The following NIFK variants were observed in gnomAD, a reference collection of about 807,000 sequenced individuals.
NIFK encodes the protein nucleolar protein interacting with the FHA domain of MKI67.
In NIFK, 16 loss-of-function variants were observed where a neutral mutation model predicts 31.7. The ratio of observed to expected loss-of-function variants is 0.50; its 90% confidence interval spans 0.34 to 0.77. NIFK has a LOEUF of 0.77. Among genes scored for constraint, NIFK ranks in the 30% least tolerant of loss-of-function variants. The pLI, the probability that NIFK is intolerant of heterozygous loss-of-function variation, is 0.01. For missense variants in NIFK, 341 were observed against 350.4 expected (o/e 0.97, Z 0.21); for synonymous variants, 126 against 123.0 (o/e 1.02, Z -0.16).
rs144739829 is a variant in NIFK, at chr2:121,728,489, A to G, written c.612T>C (p.Ser204=). 7.6e-6 allele frequency: 12 copies of G among 1,586,990 alleles called. No individual in the cohort carries two copies. The highest frequency in any genetic ancestry group is 4.5e-5 in the East Asian group (2 of 44,638). ...ESISKTNRQT[S]TKGQVLRKKK... is the part of the protein sequence containing the mutation. ...AAAAAAATTTTACCTGGCCTTTTGT[A>G]GACGTCTGACGATTAGTTTTTGAAA... Residue 204 remains serine (S), a synonymous_variant, in exon 5 of 7, where the codon TCT becomes TCC. Coordinates refer to ENST00000285814, the MANE Select transcript of NIFK (RefSeq NM_032390.5).
rs1043060589 is a variant in NIFK, at chr2:121,736,804, G to A, written c.47C>T (p.Pro16Leu). The A allele has an allele frequency of 6.2e-7, 1 of 1,614,162 alleles. No individual in the cohort carries two copies. The highest frequency in any genetic ancestry group is 1.7e-5 in the Admixed American group (1 of 60,030). The change falls in exon 1 of 7, where the codon CCG becomes CTG. Residue 16 changes from proline to leucine, a missense_variant. By Grantham distance (98) the Pro-to-Leu change is moderately conservative (BLOSUM62 -3). Coordinates refer to ENST00000285814, the MANE Select transcript of NIFK (RefSeq NM_032390.5). ...CTTTTGAAACTCGACATCTTCCTGC[G>A]GATTAAGCGACAGGATTGGCCCAGC... is the stretch of plus-strand genomic sequence containing the variant. ...GPAGPILSLN[P>L]QEDVEFQKEV...
intron 2 of NIFK, among the ~76,000 whole-genome samples, 169 bp from the exon 3 acceptor site, chr2:121,732,373 A>G (rs2074547591): frequency 6.6e-6 from 1 of 152,250 alleles, no homozygotes; most frequent in East Asian, 1.9e-4. Context: ...TGTTATGGGA[A>G]AAAGAAAAGA....
intron 5 of NIFK, 25 bp from the exon 6 acceptor site, chr2:121,728,381 C>A (rs774103974): frequency 3.0e-5 from 46 of 1,520,312 alleles, no homozygotes; most frequent in Non-Finnish European, 4.2e-5. Flanking sequence ...TAAAACACAT[C>A]AATTTGAATA....
Position 121,728,375 on chromosome 2 carries a change from A to G in NIFK, c.625-19T>C. 1 of 1,547,304 alleles carries G rather than the reference A, an allele frequency of 6.5e-7. No individual in the cohort carries two copies. ...GTAAAACCTTAAAATAAATTTTAAA[A>G]CACATCAATTTGAATATTGATCAGC... On this transcript the variant is annotated intron_variant, in intron 5 of 6. Coordinates refer to ENST00000285814, the MANE Select transcript of NIFK (RefSeq NM_032390.5).
Position 121,728,510 on chromosome 2 carries a change from T to C in NIFK, c.591A>G (p.Ser197=). The change falls in exon 5 of 7, where the codon TCA becomes TCG. Residue 197 remains serine (S), a synonymous_variant. Transcript: ENST00000285814. The part of the protein sequence containing the change: ...SLILQKTESI[S]KTNRQTSTKG... ...TTGTAGACGTCTGACGATTAGTTTT[T>C]GAAATACTTTCCGTTTTCTGTAAAA... The C allele has an allele frequency of 6.3e-7, 1 of 1,584,890 alleles. No homozygotes were observed. Among genetic ancestry groups the C allele is most frequent in the Non-Finnish European group, 8.6e-7 (1 of 1,169,016 alleles).
At chr2:121,731,321 A>G (rs2074537791) in intron 3 of NIFK, 1 of 522,832 alleles carries the variant, frequency 1.9e-6, no homozygotes, top group African/African-American at 1.9e-5. Context: ...ACATGCCACC[A>G]TGGGCACAGG....
chr2:121,736,863 C>G lies in NIFK; in HGVS notation c.-13G>C, dbSNP rs1252435353. 7 of 1,608,692 alleles carry G rather than the reference C, an allele frequency of 4.4e-6. No homozygotes were observed. Among genetic ancestry groups the G allele is most frequent in the African/African-American group, 1.3e-5 (1 of 74,776 alleles). On this transcript the variant is annotated 5_prime_UTR_variant, in exon 1 of 7. Coordinates refer to ENST00000285814, the MANE Select transcript of NIFK (RefSeq NM_032390.5). ...AAAAAGTCGCCATGCCAAAAGCCGC[C>G]GACGCTAACCACGCGGCGCTCCCGG...
At chr2:121,728,124 C>T in intron 6 of NIFK, 164 bp downstream of exon 6, 1 of 681,862 alleles carries the variant, frequency 1.5e-6, no homozygotes, top group East Asian at 2.8e-5. Context: ...TAGCATGTTC[C>T]ATTATAAGGT....
chr2:121,733,356 A>C (rs1224791818), intron 2 of NIFK, among the ~76,000 whole-genome samples: 1 of 151,954 alleles, frequency 6.6e-6, no homozygotes, highest in African/African-American at 2.4e-5. Context: ...CTCTACTAAA[A>C]ATACAAAAAT....
intron 1 of NIFK, among the ~76,000 whole-genome samples, chr2:121,736,240 T>C (rs1397431311): frequency 1.3e-5 from 2 of 152,222 alleles, no homozygotes; most frequent in African/African-American, 4.8e-5. Context: ...CCACAGAAAG[T>C]ATAAGCGATG....
intron 3 of NIFK, among the ~76,000 whole-genome samples, chr2:121,731,436 T>C (rs2074539063): frequency 6.6e-6 from 1 of 152,188 alleles, no homozygotes; most frequent in Non-Finnish European, 1.5e-5. Flanking sequence ...GGCTTCTTTC[T>C]GCAGGATAAA....
At position 121,727,450 on chromosome 2, in the gene NIFK, TA is replaced by T. The variant is rs1243289984; in HGVS notation, c.*273del. The T allele has an allele frequency of 3.4e-6, 2 of 592,384 alleles. No individual in the cohort carries two copies. Among genetic ancestry groups the T allele is most frequent in the East Asian group, 8.0e-5 (2 of 25,134 alleles). 36.7% of individuals were successfully genotyped at this position (592,384 alleles called of 1,614,324 possible). On this transcript the variant is annotated 3_prime_UTR_variant, in exon 7 of 7. Coordinates refer to ENST00000285814, the MANE Select transcript of NIFK (RefSeq NM_032390.5). Reference sequence around the variant, plus strand: ...TGGTCAACTTTCTATCCAGGCAGAGTAAACTAAGGAGAGCTATGAAATATCA... The same window carrying T: ...TGGTCAACTTTCTATCCAGGCAGAGTAACTAAGGAGAGCTATGAAATATCA...
rs17016977 is a variant in NIFK at position 121,727,390 on chromosome 2, A to T, written c.*334T>A. On this transcript the variant is annotated 3_prime_UTR_variant, in exon 7 of 7. Transcript: ENST00000285814. Reference sequence around the variant, plus strand: ...GTGGTCTTTAATTGCTGGCGACAGAAAAGGCTGCAGTTTAGTACTTAAACC... The same window carrying T: ...GTGGTCTTTAATTGCTGGCGACAGATAAGGCTGCAGTTTAGTACTTAAACC... The T allele has an allele frequency of 6.0e-6, 3 of 501,446 alleles. No individual in the cohort carries two copies. The highest frequency in any genetic ancestry group is 1.2e-5 in the Non-Finnish European group (3 of 248,040). The allele number at this position is 501,446 out of a possible 1,614,324, so 31.1% of individuals were successfully genotyped here. A position where few individuals can be genotyped will look rare whatever the true frequency, so the allele number is the denominator to read the frequency against.
chr2:121,736,633 G>T, intron 1 of NIFK, 113 bp downstream of exon 1: 1 of 856,580 alleles, frequency 1.2e-6, no homozygotes, highest in Non-Finnish European at 1.9e-6. Context: ...TGGAGGTAAT[G>T]AAGGCGAGCA....
In NIFK at chr2:121,736,875, C is replaced by A; in HGVS notation, c.-25G>T. 6.3e-7 allele frequency: 1 copy of A among 1,591,408 alleles called. No individual in the cohort carries two copies. The highest frequency in any genetic ancestry group is 8.6e-7 in the Non-Finnish European group (1 of 1,159,734). ...TGCCAAAAGCCGCCGACGCTAACCACGCGGCGCTCCCGGAAACGTCGGGCT... is the reference window on the plus strand; with the variant it reads ...TGCCAAAAGCCGCCGACGCTAACCAAGCGGCGCTCCCGGAAACGTCGGGCT... On this transcript the variant is annotated 5_prime_UTR_variant, in exon 1 of 7. Transcript: ENST00000285814.
At position 121,727,673 on chromosome 2, in the gene NIFK, C is replaced by T. The variant is rs770218014; in HGVS notation, c.*51G>A. 1 of 1,343,340 alleles carries T rather than the reference C, an allele frequency of 7.4e-7. No individual in the cohort carries two copies. Among genetic ancestry groups the T allele is most frequent in the Admixed American group, 2.1e-5 (1 of 48,554 alleles). The allele number at this position is 1,343,340 out of a possible 1,614,324, so 83.2% of individuals were successfully genotyped here. ...ATTGTACCTAGTGAAATACAAAGTC[C>T]ACTCTCATAAAAATATTATATTTTT... On this transcript the variant is annotated 3_prime_UTR_variant, in exon 7 of 7. Transcript: ENST00000285814.
intron 2 of NIFK, among the ~76,000 whole-genome samples, chr2:121,735,332 C>T (rs2074571379): frequency 6.6e-6 from 1 of 152,152 alleles, no homozygotes; most frequent in South Asian, 2.1e-4. Context: ...GATGCTTGTA[C>T]CAAAGGCTAA....
intron 2 of NIFK, 32 bp downstream of exon 2, chr2:121,735,581 C>T: frequency 6.2e-7 from 1 of 1,609,816 alleles, no homozygotes; most frequent in Non-Finnish European, 8.5e-7. Flanking sequence ...ATTTGAAAAA[C>T]AAAACATTAA....
chr2:121,732,243 AAT>A (rs1274133706), intron 2 of NIFK, 39 bp from the exon 3 acceptor site: 3 of 1,177,764 alleles, frequency 2.5e-6, no homozygotes, highest in Non-Finnish European at 3.8e-6. Context: ...AGAACAATTA[AAT>A]TTGAATGCGT....
Sources: allele counts gnomAD v4.1 joint callset (sites outside exome capture counted in the v4.1 genomes callset), GRCh38; gene constraint gnomAD v4.1.1; transcripts MANE v1.5; gene names NCBI Gene and HGNC (gene_info 2026-07-23, HGNC 2026-07-21).